Variants in ZPBP observed in about 807,000 individuals in gnomAD.
ZPBP encodes zona pellucida-binding protein 1.
In ZPBP, 26 loss-of-function variants were observed where a neutral mutation model predicts 44.8. The ratio of observed to expected loss-of-function variants is 0.58; its 90% CI spans 0.43 to 0.81. The LOEUF (loss-of-function observed/expected upper bound fraction) is 0.81. ZPBP is among the 30% of genes least tolerant of loss of function. The pLI, the probability that ZPBP is intolerant of heterozygous loss-of-function variation, is 0.00. For missense variants in ZPBP, 409 were observed against 434.0 expected, an observed-to-expected ratio of 0.94 and a Z score of 0.51; for synonymous variants, 174 against 153.2, an observed-to-expected ratio of 1.14 and a Z score of -1.00.
Position 50,058,042 on chromosome 7 carries a change from T to C in ZPBP, c.434A>G (p.Lys145Arg). Residue 145 changes from lysine (K) to arginine (R), a missense_variant, in exon 4 of 8, where the codon AAA becomes AGA. By Grantham distance (26) the Lys-to-Arg change is conservative (BLOSUM62 2). Transcript: ENST00000046087. ...TTTAACAATTTCTTCCACAGTAGGT[T>C]TATATTCGAGGAAACATGTATAAAT... ...SGIYTCFLEY[K>R]PTVEEIVKRL... 4 of 1,613,486 alleles carry C rather than the reference T, an allele frequency of 2.5e-6. No individual in the cohort carries two copies. Among genetic ancestry groups the C allele is most frequent in the Non-Finnish European group, 3.4e-6 (4 of 1,179,790 alleles).
intron 1 of ZPBP, chr7:49,912,568 T>C (rs1426089013): frequency 6.2e-6 from 1 of 161,876 alleles, no homozygotes; most frequent in Non-Finnish European, 1.4e-5. Context: ...CATATCTTTT[T>C]CAGTTCTGAT....
chr7:49,843,214 T>C, the ZPBP span, among the ~76,000 whole-genome samples: 2 of 152,184 alleles, frequency 1.3e-5, no homozygotes, highest in Non-Finnish European at 2.9e-5. Context: ...GTGGAAAATA[T>C]GGGAATTCCA....
chr7:49,993,440 CAATT>C (rs1346213505), intron 6 of ZPBP, among the ~76,000 whole-genome samples: 1 of 152,108 alleles, frequency 6.6e-6, no homozygotes, highest in African/African-American at 2.4e-5. Context: ...AAATTAAACA[CAATT>C]GATTGAAACA....
intron 6 of ZPBP, among the ~76,000 whole-genome samples, chr7:50,006,475 C>A (rs975328984): frequency 1.3e-5 from 2 of 151,938 alleles, no homozygotes; most frequent in African/African-American, 4.8e-5. Context: ...ACTGGAAAAT[C>A]CACATCTATT....
chr7:50,020,770 A>AACAC (rs1310573236), intron 5 of ZPBP, among the ~76,000 whole-genome samples: 1 of 152,168 alleles, frequency 6.6e-6, no homozygotes, highest in Non-Finnish European at 1.5e-5. Context: ...GGTCAGAATC[A>AACAC]ACTTTTGTCA....
chr7:50,070,958 C>A (rs1271410623), intron 3 of ZPBP, among the ~76,000 whole-genome samples: 1 of 152,176 alleles, frequency 6.6e-6, no homozygotes, highest in Non-Finnish European at 1.5e-5. Flanking sequence ...CACAGAAAAA[C>A]AGGCAGTTAA....
At chr7:49,981,349 A>T (rs367853209) in intron 7 of ZPBP, among the ~76,000 whole-genome samples, 1 of 36,062 alleles carries the variant, frequency 2.8e-5, no homozygotes, top group African/African-American at 1.0e-4. Flanking sequence ...TATATTATAT[A>T]ATATATATTA....
At chr7:49,872,552 T>A (rs1791203846) in intron 2 of ZPBP, among the ~76,000 whole-genome samples, 1 of 151,408 alleles carries the variant, frequency 6.6e-6, no homozygotes, top group Non-Finnish European at 1.5e-5. Flanking sequence ...CACAAAAAAA[T>A]ACAAAACAGG....
intron 3 of ZPBP, among the ~76,000 whole-genome samples, chr7:50,066,573 A>G (rs1285679058): frequency 1.3e-5 from 2 of 152,274 alleles, no homozygotes; most frequent in African/African-American, 2.4e-5. Context: ...TACACTACAC[A>G]TAGGCATGGC....
chr7:50,042,535 T>C (rs2128818627), intron 4 of ZPBP, among the ~76,000 whole-genome samples: 1 of 152,238 alleles, frequency 6.6e-6, no homozygotes. Flanking sequence ...AAGAAAAGAT[T>C]ATTCAACCCA....
At chr7:49,975,407 GA>G (rs561385308) in intron 7 of ZPBP, among the ~76,000 whole-genome samples, 129 of 152,244 alleles carry the variant, frequency 8.5e-4, no homozygotes, top group Non-Finnish European at 1.5e-3. Flanking sequence ...CAGGGTTTTG[GA>G]GGGTCAAGGA....
At chr7:49,891,241 A>G (rs1020373298) in intron 2 of ZPBP, among the ~76,000 whole-genome samples, 4 of 152,336 alleles carry the variant, frequency 2.6e-5, no homozygotes, top group Non-Finnish European at 5.9e-5. Context: ...TAAGGCAAGA[A>G]GCATCTCTTG....
chr7:49,927,112 T>C (rs764673867), intron 1 of ZPBP, among the ~76,000 whole-genome samples: 48 of 152,226 alleles, frequency 3.2e-4, no homozygotes, highest in Admixed American at 1.5e-3. Flanking sequence ...TTGAGTGTTG[T>C]AGTCTTCAAT....
At chr7:49,853,203 TC>T (rs1790267815) in intron 2 of ZPBP, among the ~76,000 whole-genome samples, 1 of 152,366 alleles carries the variant, frequency 6.6e-6, no homozygotes, top group African/African-American at 2.4e-5. Context: ...GTGAGGCCTC[TC>T]GTGGTCAGGC....
intron 6 of ZPBP, among the ~76,000 whole-genome samples, chr7:50,006,672 T>C (rs1223074225): frequency 2.6e-5 from 4 of 151,906 alleles, no homozygotes; most frequent in Non-Finnish European, 5.9e-5. Context: ...TTTACACCTA[T>C]ATATAGCAAC....
intron 7 of ZPBP, among the ~76,000 whole-genome samples, chr7:49,940,289 AAAT>A (rs1240336642): frequency 6.6e-6 from 1 of 152,174 alleles, no homozygotes; most frequent in East Asian, 1.9e-4. Context: ...ATTCGGAAAA[AAAT>A]TGTAGCTATA....
intron 4 of ZPBP, among the ~76,000 whole-genome samples, chr7:50,035,461 T>C (rs752855248): frequency 3.0e-4 from 46 of 152,338 alleles, no homozygotes; most frequent in Admixed American, 2.0e-3. Context: ...CTTAGTATAA[T>C]AATAAATTAG....
At chr7:50,033,209 A>G (rs576297265) in intron 4 of ZPBP, among the ~76,000 whole-genome samples, 5 of 152,286 alleles carry the variant, frequency 3.3e-5, no homozygotes, top group Admixed American at 2.0e-4. Flanking sequence ...TGAGAAACTA[A>G]CCATAAATAT....
intron 7 of ZPBP, among the ~76,000 whole-genome samples, chr7:49,978,592 A>T (rs1796633141): frequency 6.6e-6 from 1 of 152,096 alleles, no homozygotes. Flanking sequence ...TGTTTGTTGA[A>T]TATAAACATG....
Sources: gnomAD v4.1 joint callset for allele counts (sites outside exome capture counted in the v4.1 genomes callset) on GRCh38, gnomAD v4.1.1 for gene constraint, MANE v1.5 for transcripts, NCBI Gene and HGNC (gene_info 2026-07-23, HGNC 2026-07-21) for gene names.